Variants in TAFA1 observed in about 807,000 individuals in gnomAD.
TAFA1 encodes the protein TAFA chemokine like family member 1, also known as chemokine-like protein TAFA-1.
TAFA1 carries 4 observed loss-of-function variants against 18.5 expected under a neutral mutation model. That is an observed-to-expected ratio of 0.22 (90% CI 0.11 to 0.49). The LOEUF is 0.49. TAFA1 is among the 20% of genes least tolerant of loss of function. The pLI, the probability that TAFA1 is intolerant of heterozygous loss-of-function variation, is 0.98. For synonymous variants in TAFA1, 56 were observed against 55.2 expected, an observed-to-expected ratio of 1.01 and a Z score of -0.06; for missense variants, 147 against 169.0, an observed-to-expected ratio of 0.87 and a Z score of 0.72.
At chr3:68,331,367 G>A (rs1413011785) in intron 2 of TAFA1, among the ~76,000 whole-genome samples, 2 of 152,112 alleles carry the variant, frequency 1.3e-5, no homozygotes, top group African/African-American at 2.4e-5. Context: ...AGATAGTGGT[G>A]ATGGTTTTGC....
chr3:68,253,985 G>T (rs1158367736), intron 2 of TAFA1, among the ~76,000 whole-genome samples: 3 of 152,066 alleles, frequency 2.0e-5, no homozygotes, highest in African/African-American at 7.2e-5. Context: ...AACATAATTG[G>T]CAAATCTGTA....
At chr3:68,425,574 G>A (rs1415319802) in intron 3 of TAFA1, among the ~76,000 whole-genome samples, 1 of 151,928 alleles carries the variant, frequency 6.6e-6, no homozygotes, top group Non-Finnish European at 1.5e-5. Context: ...ATGTACAGGT[G>A]TGTGAGAGAT....
intron 2 of TAFA1, among the ~76,000 whole-genome samples, chr3:68,251,463 A>G (rs2067194160): frequency 6.6e-6 from 1 of 152,196 alleles, no homozygotes; most frequent in Admixed American, 6.5e-5. Context: ...CCCACTCTAG[A>G]CCAGGCAACA....
intron 4 of TAFA1, among the ~76,000 whole-genome samples, chr3:68,539,669 G>T (rs1575963707): frequency 1.0e-4 from 2 of 19,322 alleles, no homozygotes; most frequent in East Asian, 2.7e-3. Flanking sequence ...CTCTCTCTGT[G>T]TGTGTGTGTG....
At chr3:68,241,680 C>G (rs1205454248) in intron 2 of TAFA1, among the ~76,000 whole-genome samples, 1 of 152,088 alleles carries the variant, frequency 6.6e-6, no homozygotes, top group Admixed American at 6.6e-5. Context: ...AGACAAATGA[C>G]CCAGCTTTTC....
rs145532123 is a variant in TAFA1, at chr3:68,334,550, ATGT to A, written c.119-82725_119-82723del. ...CAATCTTAATACAAATCATGTGGTGATGTTGTTAATATGCAGCCTCTGACTCAC... is the reference window on the plus strand; with the variant it reads ...CAATCTTAATACAAATCATGTGGTGATGTTAATATGCAGCCTCTGACTCAC... On this transcript the variant is annotated intron_variant, in intron 2 of 4. Coordinates refer to ENST00000478136, the MANE Select transcript of TAFA1 (RefSeq NM_213609.4). Among the ~76,000 whole-genome samples, 987 of 152,260 alleles carry A rather than the reference ATGT, an allele frequency of 6.5e-3. 9 individuals are homozygous for A. Among genetic ancestry groups the A allele is most frequent in the African/African-American group, 0.022 (934 of 41,546 alleles).
intron 3 of TAFA1, among the ~76,000 whole-genome samples, chr3:68,431,347 A>G (rs1273788464): frequency 1.3e-5 from 2 of 152,038 alleles, no homozygotes; most frequent in African/African-American, 4.8e-5. Context: ...TGCCCTTAGC[A>G]GCCCTTATGC....
Position 68,257,668 on chromosome 3 carries a change from C to A in TAFA1, c.119-159612C>A, listed in dbSNP as rs147924984. Among the ~76,000 whole-genome samples the A allele has an allele frequency of 9.9e-5, 15 of 152,256 alleles. No homozygotes were observed. The East Asian group carries it at 2.9e-3, about 29-fold the overall frequency. On this transcript the variant is annotated intron_variant, in intron 2 of 4. Transcript: ENST00000478136. ...AAATAATACTTCTTCATGCAGTGAG[C>A]TTAGAAGGGACTGTTACATCCTCTA...
At chr3:68,338,096 C>T (rs1575788084) in intron 2 of TAFA1, among the ~76,000 whole-genome samples, 1 of 152,200 alleles carries the variant, frequency 6.6e-6, no homozygotes, top group Non-Finnish European at 1.5e-5. Context: ...AAACTCTTCT[C>T]CCTGATGAGC....
chr3:68,157,190 T>C (rs2065876399), intron 2 of TAFA1, among the ~76,000 whole-genome samples: 1 of 152,232 alleles, frequency 6.6e-6, no homozygotes, highest in South Asian at 2.1e-4. Flanking sequence ...ATTGCTTTTC[T>C]CTATTTTTGT....
At chr3:68,284,024 G>T (rs911169994) in intron 2 of TAFA1, among the ~76,000 whole-genome samples, 2 of 152,164 alleles carry the variant, frequency 1.3e-5, no homozygotes, top group African/African-American at 4.8e-5. Flanking sequence ...GATGTTATCT[G>T]CAGCTGACCA....
At chr3:68,319,993 T>G (rs1261734343) in intron 2 of TAFA1, among the ~76,000 whole-genome samples, 1 of 152,106 alleles carries the variant, frequency 6.6e-6, no homozygotes, top group East Asian at 1.9e-4. Context: ...AAATGATAAT[T>G]TTACCTGAAT....
intron 3 of TAFA1, among the ~76,000 whole-genome samples, chr3:68,517,101 T>G (rs1276151607): frequency 6.6e-6 from 1 of 152,238 alleles, no homozygotes; most frequent in East Asian, 1.9e-4. Flanking sequence ...TTTCCTTCTA[T>G]CCTTTTGCTA....
At chr3:68,182,803 G>T (rs889125722) in intron 2 of TAFA1, among the ~76,000 whole-genome samples, 1 of 152,058 alleles carries the variant, frequency 6.6e-6, no homozygotes, top group East Asian at 1.9e-4. Context: ...AGCAATTTCA[G>T]CCAATTTAGT....
chr3:68,354,058 G>A (rs184872650), intron 2 of TAFA1, among the ~76,000 whole-genome samples: 1 of 151,838 alleles, frequency 6.6e-6, no homozygotes. Context: ...ACTGACCCTC[G>A]AGTTTTGACT....
intron 2 of TAFA1, among the ~76,000 whole-genome samples, chr3:68,398,191 C>G (rs949035852): frequency 3.9e-5 from 6 of 152,092 alleles, no homozygotes; most frequent in Admixed American, 2.6e-4. Flanking sequence ...CTAAAGTAAC[C>G]AAAACAGCAT....
intron 2 of TAFA1, among the ~76,000 whole-genome samples, chr3:68,211,803 T>G (rs2066600668): frequency 6.6e-6 from 1 of 151,990 alleles, no homozygotes; most frequent in Non-Finnish European, 1.5e-5. Flanking sequence ...AGGCTCTTTT[T>G]AACAACCACC....
intron 2 of TAFA1, among the ~76,000 whole-genome samples, chr3:68,140,393 G>T (rs1258737271): frequency 6.6e-6 from 1 of 152,228 alleles, no homozygotes; most frequent in East Asian, 1.9e-4. Flanking sequence ...CTTCTGGAAA[G>T]ATTAAGCTAC....
chr3:68,464,318 T>C (rs2071841799), intron 3 of TAFA1, among the ~76,000 whole-genome samples: 1 of 152,008 alleles, frequency 6.6e-6, no homozygotes, highest in African/African-American at 2.4e-5. Context: ...TTTCAAATAG[T>C]GAAATTACAA....
Sources: allele counts gnomAD v4.1 joint callset (sites outside exome capture counted in the v4.1 genomes callset), GRCh38; gene constraint gnomAD v4.1.1; transcripts MANE v1.5; gene names NCBI Gene and HGNC (gene_info 2026-07-23, HGNC 2026-07-21).